DGKG: variants seen among roughly 807,000 people sequenced by gnomAD.
DGKG encodes diacylglycerol kinase gamma, also known as DAG kinase gamma.
A neutral mutation model predicts 105.3 loss-of-function variants in DGKG; 78 were observed. The ratio of observed to expected loss-of-function variants is 0.74; its 90% CI spans 0.62 to 0.89. DGKG has a LOEUF of 0.89. DGKG is among the 40% of genes least tolerant of loss of function. The pLI, the probability that DGKG is intolerant of heterozygous loss-of-function variation, is 0.00. For missense variants in DGKG, 958 were observed against 1,020.1 expected (o/e 0.94, Z 0.83); for synonymous variants, 346 against 367.1 (o/e 0.94, Z 0.66).
chr3:186,346,750 C>T (rs1006361913), intron 1 of DGKG, among the ~76,000 whole-genome samples: 3 of 151,984 alleles, frequency 2.0e-5, no homozygotes, highest in Admixed American at 6.5e-5. Flanking sequence ...AATTTTTTTA[C>T]GATGGGATCA....
chr3:186,302,546 A>G (rs868412695), intron 3 of DGKG, among the ~76,000 whole-genome samples: 2 of 32,412 alleles, frequency 6.2e-5, no homozygotes, highest in African/African-American at 1.2e-4. Flanking sequence ...ATGTATATAT[A>G]TATATATATA....
intron 20 of DGKG, among the ~76,000 whole-genome samples, chr3:186,240,504 G>A (rs900399138): frequency 1.1e-4 from 17 of 152,194 alleles, no homozygotes; most frequent in Admixed American, 8.5e-4. Flanking sequence ...ATGTGCATGA[G>A]TACGTATAAG....
At chr3:186,242,160 G>A (rs1248181198) in intron 20 of DGKG, among the ~76,000 whole-genome samples, 2 of 152,124 alleles carry the variant, frequency 1.3e-5, no homozygotes, top group East Asian at 3.9e-4. Flanking sequence ...GGTTGGAGGC[G>A]CTGTACTTGG....
intron 2 of DGKG, among the ~76,000 whole-genome samples, chr3:186,310,226 C>T (rs1724458979): frequency 7.3e-6 from 1 of 137,594 alleles, no homozygotes; most frequent in African/African-American, 2.8e-5. Flanking sequence ...GAGACCGCAC[C>T]ACTGCACTCC....
At position 186,150,026 on chromosome 3, in the gene DGKG, TG is replaced by T; in HGVS notation, c.*63del. ...CATGTGTGAGTGTGCACATAAATTGTGTGTGAGTGTGCATTATAGTTTCTTG... is the reference window on the plus strand; with the variant it reads ...CATGTGTGAGTGTGCACATAAATTGTTGTGAGTGTGCATTATAGTTTCTTG... On this transcript the variant is annotated 3_prime_UTR_variant, in exon 25 of 25. Coordinates refer to ENST00000265022, the MANE Select transcript of DGKG (RefSeq NM_001346.3). 1 of 1,559,278 alleles carries T rather than the reference TG, an allele frequency of 6.4e-7. No homozygotes were observed. Among genetic ancestry groups the T allele is most frequent in the Non-Finnish European group, 8.7e-7 (1 of 1,151,056 alleles).
chr3:186,237,238 C>A (rs1720461726), intron 20 of DGKG, among the ~76,000 whole-genome samples: 2 of 152,076 alleles, frequency 1.3e-5, no homozygotes, highest in Non-Finnish European at 1.5e-5. Flanking sequence ...TTTATTAATT[C>A]CTCTGTCCTT....
chr3:186,222,497 A>G (rs1719633736), intron 20 of DGKG, among the ~76,000 whole-genome samples: 1 of 152,180 alleles, frequency 6.6e-6, no homozygotes, highest in Non-Finnish European at 1.5e-5. Context: ...CTATTTTTGA[A>G]TTGACACAAT....
chr3:186,259,828 C>G lies in DGKG; in HGVS notation c.1424+611G>C, dbSNP rs548379040. Among the ~76,000 whole-genome samples, 173 of 152,310 alleles carry G rather than the reference C, an allele frequency of 1.1e-3. 1 individual carries two copies. Among genetic ancestry groups the G allele is most frequent in the African/African-American group, 4.0e-3 (166 of 41,568 alleles). ...TGCAGCTCACCATTAGCCGCAGACA[C>G]AGGGACCACGCCTCCCACCAGGCCT... On this transcript the variant is annotated intron_variant, in intron 16 of 24. Transcript: ENST00000265022.
intron 2 of DGKG, among the ~76,000 whole-genome samples, chr3:186,312,628 C>T (rs1199529441): frequency 6.6e-6 from 1 of 151,994 alleles, no homozygotes; most frequent in Non-Finnish European, 1.5e-5. Context: ...GGAAAGTTGG[C>T]GCATGAGCAA....
Position 186,211,846 on chromosome 3 carries a change from C to T in DGKG, c.1866G>A (p.Ser622=), listed in dbSNP as rs547522584. 113 of 1,614,162 alleles carry T rather than the reference C, an allele frequency of 7.0e-5. 1 individual carries two copies. The South Asian group carries it at 8.5e-4, about 12-fold the overall frequency. Residue 622 remains serine (S), a synonymous_variant, in exon 21 of 25, where the codon TCG becomes TCA. Coordinates refer to ENST00000265022, the MANE Select transcript of DGKG (RefSeq NM_001346.3). ...TCTTGCAGGTCGCTGCAAAAGTCTC[C>T]GAGGTGCCAAATTCAAAGTACCACA... The part of the protein sequence containing the change: ...NKLWYFEFGT[S]ETFAATCKKL...
Position 186,292,897 on chromosome 3 carries a change from G to A in DGKG, c.374-4017C>T, listed in dbSNP as rs1325774521. Among the ~76,000 whole-genome samples the A allele has an allele frequency of 2.0e-5, 3 of 152,026 alleles. No individual in the cohort carries two copies. In the East Asian group the frequency reaches 5.8e-4, roughly 29 times the overall value. ...AAAAAAATTATAGAAAAATCTACAA[G>A]GAGATTACACACACACACATGTAAT... On this transcript the variant is annotated intron_variant, in intron 5 of 24. Transcript: ENST00000265022.
intron 1 of DGKG, among the ~76,000 whole-genome samples, chr3:186,329,145 A>G (rs1214961457): frequency 1.3e-5 from 2 of 152,160 alleles, no homozygotes; most frequent in Non-Finnish European, 2.9e-5. Flanking sequence ...AAAAAATTGA[A>G]TAGGATTTTC....
chr3:186,184,120 T>A (rs1455255494), intron 22 of DGKG, among the ~76,000 whole-genome samples: 2 of 100,182 alleles, frequency 2.0e-5, no homozygotes, highest in Non-Finnish European at 3.6e-5. Context: ...CGTAGGGACT[T>A]TTTTTTTTTT....
chr3:186,279,781 G>A lies in DGKG; in HGVS notation c.792+70C>T. 3.2e-6 allele frequency: 5 copies of A among 1,574,750 alleles called. No homozygotes were observed. The South Asian group carries it at 5.9e-5, about 19-fold the overall frequency. On this transcript the variant is annotated intron_variant, in intron 9 of 24. Coordinates refer to ENST00000265022, the MANE Select transcript of DGKG (RefSeq NM_001346.3). ...TCTGGAGCAGAAGCCAAAGTGATAT[G>A]TTGATATTAACATGAAGCCCAATGT...
At chr3:186,189,482 A>G (rs1027490083) in intron 21 of DGKG, among the ~76,000 whole-genome samples, 10 of 152,240 alleles carry the variant, frequency 6.6e-5, no homozygotes, top group Admixed American at 5.2e-4. Flanking sequence ...AAGTTATCCA[A>G]GCTTGCACAG....
chr3:186,244,056 C>T (rs1006086097), intron 19 of DGKG, among the ~76,000 whole-genome samples: 3 of 151,866 alleles, frequency 2.0e-5, no homozygotes, highest in African/African-American at 7.3e-5. Flanking sequence ...ACCATCACAC[C>T]GGGCTAATTT....
chr3:186,148,785 A>C lies in DGKG; in HGVS notation c.*1305T>G. The C allele has an allele frequency of 1.0e-6, 1 of 985,580 alleles. No individual in the cohort carries two copies. Among genetic ancestry groups the C allele is most frequent in the Non-Finnish European group, 1.2e-6 (1 of 829,898 alleles). The allele number at this position is 985,580 out of a possible 1,614,324, so 61.1% of individuals were successfully genotyped here. Reference sequence around the variant, plus strand: ...GGAGTTCTCGGTCTCTTCGTTCATAATAGGGAGCTACTTTCATTCCCCTTA... The same window carrying C: ...GGAGTTCTCGGTCTCTTCGTTCATACTAGGGAGCTACTTTCATTCCCCTTA... On this transcript the variant is annotated 3_prime_UTR_variant, in exon 25 of 25. Transcript: ENST00000265022.
intron 22 of DGKG, among the ~76,000 whole-genome samples, chr3:186,175,594 A>G (rs1207448932): frequency 2.6e-5 from 4 of 152,084 alleles, no homozygotes; most frequent in Non-Finnish European, 5.9e-5. Flanking sequence ...CCTGCCTCTA[A>G]GAGAAGCCAA....
intron 20 of DGKG, among the ~76,000 whole-genome samples, chr3:186,236,943 T>C (rs1720448275): frequency 6.6e-6 from 1 of 152,272 alleles, no homozygotes; most frequent in South Asian, 2.1e-4. Flanking sequence ...CTTCTCTTTC[T>C]AGACACTCAC....
Sources: allele counts gnomAD v4.1 joint callset (sites outside exome capture counted in the v4.1 genomes callset), GRCh38; gene constraint gnomAD v4.1.1; transcripts MANE v1.5; gene names NCBI Gene and HGNC (gene_info 2026-07-23, HGNC 2026-07-21).